Variants in VWA8 observed in about 807,000 individuals in gnomAD.
VWA8 encodes von Willebrand factor A domain-containing protein 8.
VWA8 carries 221 observed loss-of-function variants against 241.5 expected under a neutral mutation model. That is an observed-to-expected ratio of 0.91 (90% confidence interval 0.82 to 1.02). VWA8 has a LOEUF of 1.02. Among genes scored for constraint, VWA8 ranks in the 50% least tolerant of loss-of-function variants. The probability of loss-of-function intolerance (pLI) is 0.00; values close to 1 mark genes in which losing one functional copy is unlikely to be tolerated. For missense variants in VWA8, 2,322 were observed against 2,328.7 expected, an observed-to-expected ratio of 1.00 and a Z score of 0.06; for synonymous variants, 852 against 827.1, an observed-to-expected ratio of 1.03 and a Z score of -0.52.
chr13:41,894,084 A>T (rs1874984925), intron 4 of VWA8, among the ~76,000 whole-genome samples: 1 of 152,240 alleles, frequency 6.6e-6, no homozygotes, highest in Non-Finnish European at 1.5e-5. Flanking sequence ...TTGACTTTTT[A>T]AAAACTCCAT....
intron 41 of VWA8, among the ~76,000 whole-genome samples, chr13:41,590,324 G>A (rs2044445684): frequency 6.6e-6 from 1 of 152,048 alleles, no homozygotes; most frequent in Non-Finnish European, 1.5e-5. Context: ...CTATCCCTGG[G>A]TTACTGCACT....
At chr13:41,937,701 A>G (rs1172003345) in intron 2 of VWA8, among the ~76,000 whole-genome samples, 1 of 152,232 alleles carries the variant, frequency 6.6e-6, no homozygotes. Context: ...ACAAGGATCA[A>G]TGAAATCACT....
intron 39 of VWA8, among the ~76,000 whole-genome samples, chr13:41,609,017 T>C (rs2044570153): frequency 6.6e-6 from 1 of 152,206 alleles, no homozygotes; most frequent in South Asian, 2.1e-4. Flanking sequence ...CTGAATTAAG[T>C]ACTAAAGGAT....
chr13:41,574,287 A>C (rs1409474811), intron 43 of VWA8, among the ~76,000 whole-genome samples: 6 of 152,208 alleles, frequency 3.9e-5, no homozygotes, highest in Non-Finnish European at 8.8e-5. Context: ...ACAATGACCA[A>C]GCTGAGAATC....
At chr13:41,804,338 C>T (rs1870089501) in intron 17 of VWA8, among the ~76,000 whole-genome samples, 1 of 151,998 alleles carries the variant, frequency 6.6e-6, no homozygotes, top group Non-Finnish European at 1.5e-5. Flanking sequence ...ACTTTACAGG[C>T]CAGTAGAGAG....
chr13:41,757,453 T>C (rs753818217), intron 21 of VWA8, among the ~76,000 whole-genome samples: 2 of 151,708 alleles, frequency 1.3e-5, no homozygotes, highest in Non-Finnish European at 3.0e-5. Context: ...TTACAACCTT[T>C]ATTTTAGATT....
intron 22 of VWA8, among the ~76,000 whole-genome samples, chr13:41,731,585 T>C (rs2045483930): frequency 6.6e-6 from 1 of 152,144 alleles, no homozygotes. Flanking sequence ...AAAATGAACA[T>C]GAATGAATGC....
In VWA8 at chr13:41,570,571, G is replaced by A. The variant is rs201130705; in HGVS notation, c.5506C>T (p.Arg1836Ter). 1.1e-5 allele frequency: 17 copies of A among 1,614,172 alleles called. No homozygotes were observed. The highest frequency in any genetic ancestry group is 2.2e-5 in the South Asian group (2 of 91,088). The change falls in exon 44 of 45, where the codon CGA becomes TGA. Residue 1836 changes from arginine to a stop codon, truncating the protein, a stop_gained. Coordinates refer to ENST00000379310, the MANE Select transcript of VWA8 (RefSeq NM_015058.2). LOFTEE classifies it high-confidence loss of function. ...VIVLSDANLS[R>*]YGIHPAKFAQ... The stretch of plus-strand genomic sequence containing the variant: ...AACTTAGCAGGATGTATTCCATATC[G>A]TGACAGATTTGCATCACTCAAGACT...
Position 41,658,254 on chromosome 13 carries a change from T to C in VWA8, c.4611+12692A>G, listed in dbSNP as rs144864855. Among the ~76,000 whole-genome samples the C allele has an allele frequency of 3.9e-5, 6 of 152,274 alleles. No homozygotes were observed. The East Asian group carries it at 9.6e-4, about 24-fold the overall frequency. On this transcript the variant is annotated intron_variant, in intron 37 of 44. Coordinates refer to ENST00000379310, the MANE Select transcript of VWA8 (RefSeq NM_015058.2). Reference sequence around the variant, plus strand: ...TGAGAGGATAGATGGCGCTCAGGAGTTTGAGGCCAGCCTAGGCAAAATGGT... The same window carrying C: ...TGAGAGGATAGATGGCGCTCAGGAGCTTGAGGCCAGCCTAGGCAAAATGGT...
chr13:41,782,778 T>A (rs1336089671), intron 19 of VWA8, among the ~76,000 whole-genome samples: 1 of 151,956 alleles, frequency 6.6e-6, no homozygotes, highest in African/African-American at 2.4e-5. Context: ...ATAAAAGTAA[T>A]ACACAGCCAC....
chr13:41,897,159 TAAGGA>T (rs1566498401), intron 4 of VWA8, among the ~76,000 whole-genome samples: 2 of 151,298 alleles, frequency 1.3e-5, no homozygotes, highest in Admixed American at 6.6e-5. Context: ...ACTAAGCGAA[TAAGGA>T]AAGAGAATAA....
chr13:41,610,437 C>A (rs2044579932), intron 39 of VWA8, among the ~76,000 whole-genome samples: 1 of 152,170 alleles, frequency 6.6e-6, no homozygotes, highest in African/African-American at 2.4e-5. Context: ...GGGAAGCCAG[C>A]AGAAGGGCTG....
intron 26 of VWA8, among the ~76,000 whole-genome samples, chr13:41,717,834 C>A (rs749830541): frequency 4.6e-5 from 7 of 152,032 alleles, no homozygotes; most frequent in Non-Finnish European, 1.0e-4. Flanking sequence ...AAGTCTATTT[C>A]TAGCTATATG....
intron 26 of VWA8, among the ~76,000 whole-genome samples, chr13:41,708,964 TTCTC>T (rs921073171): frequency 3.3e-5 from 5 of 152,196 alleles, no homozygotes; most frequent in African/African-American, 7.2e-5. Context: ...AAAAAAAGTC[TTCTC>T]TCTTTCTGCC....
In VWA8 at chr13:41,573,095, C is replaced by CAAGA. The variant is rs1312941066; in HGVS notation, c.5371-2393_5371-2390dup. On this transcript the variant is annotated intron_variant, in intron 43 of 44. Coordinates refer to ENST00000379310, the MANE Select transcript of VWA8 (RefSeq NM_015058.2). ...CTGCACTCCAGCCTGGGCGACAGAGCAAGACACCGTTTCAAAAAAAAAAAA... is the reference window on the plus strand; with the variant it reads ...CTGCACTCCAGCCTGGGCGACAGAGCAAGAAAGACACCGTTTCAAAAAAAAAAAA... 2.7e-5 allele frequency among the ~76,000 whole-genome samples: 3 copies of CAAGA among 110,358 alleles called. No homozygotes were observed. The Admixed American group carries it at 3.8e-4, about 14-fold the overall frequency. 72.4% of individuals were successfully genotyped at this position (110,358 alleles called of 152,430 possible).
At chr13:41,595,495 C>T (rs1377920046) in intron 40 of VWA8, among the ~76,000 whole-genome samples, 2 of 152,148 alleles carry the variant, frequency 1.3e-5, no homozygotes, top group African/African-American at 2.4e-5. Context: ...CCGCCTAAGC[C>T]TCCCAGTGCC....
chr13:41,931,005 T>C (rs919361307), intron 2 of VWA8, among the ~76,000 whole-genome samples: 1 of 151,414 alleles, frequency 6.6e-6, no homozygotes, highest in East Asian at 1.9e-4. Flanking sequence ...AAAAATTAGA[T>C]GGGCATGGTG....
chr13:41,790,567 G>T (rs1347448115), intron 17 of VWA8, among the ~76,000 whole-genome samples: 2 of 151,866 alleles, frequency 1.3e-5, no homozygotes, highest in African/African-American at 4.8e-5. Context: ...TAAAATTTCT[G>T]TGCTAAAGGA....
At chr13:41,907,551 T>C (rs1354875944) in intron 4 of VWA8, 35 bp downstream of exon 4, 2 of 1,573,080 alleles carry the variant, frequency 1.3e-6, no homozygotes, top group South Asian at 2.2e-5. Flanking sequence ...AGACCTGGAG[T>C]ACACAGTCAT....
Sources: gnomAD v4.1 joint callset for allele counts (sites outside exome capture counted in the v4.1 genomes callset) on GRCh38, gnomAD v4.1.1 for gene constraint, MANE v1.5 for transcripts, NCBI Gene and HGNC (gene_info 2026-07-23, HGNC 2026-07-21) for gene names.